The following C1orf146 variants were observed in gnomAD, a reference collection of about 807,000 sequenced individuals.
C1orf146 encodes the protein protein SPO16 homolog.
C1orf146 carries 22 observed loss-of-function variants against 23.0 expected under a neutral mutation model. The ratio of observed to expected loss-of-function variants is 0.96; its 90% confidence interval spans 0.68 to 1.36. C1orf146 has a LOEUF of 1.36. C1orf146 is among the 40% of genes most tolerant of loss of function. The pLI is 0.00. For missense variants in C1orf146, 199 were observed against 206.8 expected (o/e 0.96, Z 0.23); for synonymous variants, 59 against 65.3 (o/e 0.90, Z 0.47).
intron 4 of C1orf146, 27 bp downstream of exon 4, chr1:92,244,412 A>T: frequency 6.6e-7 from 1 of 1,504,812 alleles, no homozygotes. Flanking sequence ...TTATAGACTT[A>T]TTTTTCTTAT....
In C1orf146 at chr1:92,245,733, A is replaced by T; in HGVS notation, c.*59A>T. 2.1e-6 allele frequency: 2 copies of T among 971,638 alleles called. No homozygotes were observed. Among genetic ancestry groups the T allele is most frequent in the Non-Finnish European group, 3.0e-6 (2 of 665,814 alleles). The allele number at this position is 971,638 out of a possible 1,614,324, so 60.2% of individuals were successfully genotyped here. A position where few individuals can be genotyped will look rare whatever the true frequency, so the allele number is the denominator to read the frequency against. ...AAAATAATTAGACCTGTTAAATTAT[A>T]ATATTCAAATATCTATTTAAAGACA... On this transcript the variant is annotated 3_prime_UTR_variant, in exon 6 of 6. Coordinates refer to ENST00000370375, the MANE Select transcript of C1orf146 (RefSeq NM_001012425.2).
At chr1:92,230,394 C>T (rs1488360103) in intron 1 of C1orf146, among the ~76,000 whole-genome samples, 1 of 151,802 alleles carries the variant, frequency 6.6e-6, no homozygotes, top group Non-Finnish European at 1.5e-5. Context: ...GGGTGGATCA[C>T]AAGGTCAGGA....
At chr1:92,233,720 T>C (rs1256086643) in intron 2 of C1orf146, among the ~76,000 whole-genome samples, 2 of 152,212 alleles carry the variant, frequency 1.3e-5, no homozygotes, top group African/African-American at 2.4e-5. Context: ...ATTTTCCCGA[T>C]ATTGATTCTT....
At chr1:92,229,262 C>G in intron 1 of C1orf146, 1 of 556,774 alleles carries the variant, frequency 1.8e-6, no homozygotes, top group South Asian at 1.4e-5. Flanking sequence ...TGTTGGCGTA[C>G]AGGTCTTTGA....
intron 1 of C1orf146, chr1:92,228,981 C>A: frequency 2.2e-6 from 1 of 454,108 alleles, no homozygotes; most frequent in South Asian, 1.8e-5. Flanking sequence ...TTAACCCATG[C>A]AGCAAAAGCT....
At chr1:92,237,309 A>T (rs1420071661) in intron 2 of C1orf146, among the ~76,000 whole-genome samples, 1 of 151,990 alleles carries the variant, frequency 6.6e-6, no homozygotes, top group Non-Finnish European at 1.5e-5. Flanking sequence ...TCTGTTTGTT[A>T]GTTTTCCTTC....
intron 1 of C1orf146, among the ~76,000 whole-genome samples, chr1:92,227,097 A>G (rs1026624518): frequency 2.8e-4 from 43 of 152,118 alleles, no homozygotes; most frequent in African/African-American, 1.0e-3. Context: ...TTGAACATCT[A>G]TTTTAAACTT....
intron 2 of C1orf146, among the ~76,000 whole-genome samples, chr1:92,237,025 AG>A (rs1371508605): frequency 6.6e-6 from 1 of 152,028 alleles, no homozygotes; most frequent in African/African-American, 2.4e-5. Flanking sequence ...TTTTTTTCAA[AG>A]TTTTTAACTT....
At chr1:92,245,130 A>G (rs1652560386) in intron 5 of C1orf146, among the ~76,000 whole-genome samples, 1 of 152,186 alleles carries the variant, frequency 6.6e-6, no homozygotes, top group South Asian at 2.1e-4. Flanking sequence ...TTCTAAAGTT[A>G]TAAGGGTTGG....
chr1:92,237,142 C>T (rs952373502), intron 2 of C1orf146, among the ~76,000 whole-genome samples: 1 of 152,198 alleles, frequency 6.6e-6, no homozygotes, highest in African/African-American at 2.4e-5. Context: ...TGTTCCATTG[C>T]TGGTGAGGAA....
At chr1:92,244,494 A>G (rs1362536174) in intron 4 of C1orf146, 109 bp downstream of exon 4, 1 of 832,362 alleles carries the variant, frequency 1.2e-6, no homozygotes, top group Admixed American at 2.9e-5. Context: ...CTGTGATGTT[A>G]ACCTATCAAA....
chr1:92,224,831 C>T (rs373679594), intron 1 of C1orf146, among the ~76,000 whole-genome samples: 3 of 152,108 alleles, frequency 2.0e-5, no homozygotes, highest in African/African-American at 7.2e-5. Context: ...CAACCTCTGC[C>T]TCCTGGGTTC....
chr1:92,245,443 A>G, intron 5 of C1orf146, 97 bp from the exon 6 acceptor site: 1 of 919,378 alleles, frequency 1.1e-6, no homozygotes, highest in Non-Finnish European at 1.7e-6. Context: ...TGATCAAGAG[A>G]TTTGCTGAAA....
chr1:92,234,732 A>G (rs1345980083), intron 2 of C1orf146, among the ~76,000 whole-genome samples: 1 of 152,222 alleles, frequency 6.6e-6, no homozygotes, highest in Non-Finnish European at 1.5e-5. Context: ...CTGTGAATCC[A>G]TCTGGTCCTG....
intron 1 of C1orf146, among the ~76,000 whole-genome samples, chr1:92,231,043 T>C (rs1652108202): frequency 6.6e-6 from 1 of 152,214 alleles, no homozygotes; most frequent in Non-Finnish European, 1.5e-5. Context: ...GTCCTTTGTC[T>C]CTGAGTCTGT....
rs548245407 is a variant in C1orf146, at chr1:92,228,917, G to T, written c.-39-2465G>T. On this transcript the variant is annotated intron_variant, in intron 1 of 5. Coordinates refer to ENST00000370375, the MANE Select transcript of C1orf146 (RefSeq NM_001012425.2). Reference sequence around the variant, plus strand: ...CTTTTCGAAGGCTTATTCCAGATTCGTGAGGCTAGCATGAGATGTATGCAT... The same window carrying T: ...CTTTTCGAAGGCTTATTCCAGATTCTTGAGGCTAGCATGAGATGTATGCAT... 325 of 421,300 alleles carry T rather than the reference G, an allele frequency of 7.7e-4. 1 individual carries two copies. The highest frequency in any genetic ancestry group is 6.2e-3 in the African/African-American group (302 of 48,984). 26.1% of individuals were successfully genotyped at this position (421,300 alleles called of 1,614,324 possible).
At chr1:92,236,397 G>T (rs1360424916) in intron 2 of C1orf146, among the ~76,000 whole-genome samples, 1 of 152,082 alleles carries the variant, frequency 6.6e-6, no homozygotes, top group African/African-American at 2.4e-5. Flanking sequence ...TGAAATTCTG[G>T]GTTGAAAATT....
At chr1:92,243,950 A>G (rs1652497359) in intron 3 of C1orf146, among the ~76,000 whole-genome samples, 1 of 151,654 alleles carries the variant, frequency 6.6e-6, no homozygotes, top group African/African-American at 2.4e-5. Flanking sequence ...CAATGTCTTC[A>G]TCTAGGAAAA....
chr1:92,229,682 AC>A (rs1268800515), intron 1 of C1orf146, among the ~76,000 whole-genome samples: 1 of 152,218 alleles, frequency 6.6e-6, no homozygotes, highest in Non-Finnish European at 1.5e-5. Context: ...AAATTTGACT[AC>A]ATTGGAAATA....
Sources: gnomAD v4.1 joint callset for allele counts (sites outside exome capture counted in the v4.1 genomes callset) on GRCh38, gnomAD v4.1.1 for gene constraint, MANE v1.5 for transcripts, NCBI Gene and HGNC (gene_info 2026-07-23, HGNC 2026-07-21) for gene names.